Variants in NHSL1 observed in about 807,000 individuals in gnomAD.
The protein encoded by NHSL1 is NHS like 1.
In NHSL1, 48 loss-of-function variants were observed where a neutral mutation model predicts 95.0. That is an observed-to-expected ratio of 0.51 (90% CI 0.40 to 0.64). The LOEUF (loss-of-function observed/expected upper bound fraction) is 0.64. Among genes scored for constraint, NHSL1 ranks in the 30% least tolerant of loss-of-function variants. The pLI is 0.00. For synonymous variants in NHSL1, 783 were observed against 833.9 expected (o/e 0.94, Z 1.05); for missense variants, 1,971 against 2,077.7 (o/e 0.95, Z 1.00).
Position 138,429,767 on chromosome 6 carries a change from C to T in NHSL1, c.4029G>A (p.Glu1343=). ...CDFLKEDGND[E]VMTPSRPRTT... is the part of the protein sequence containing the mutation. ...TCCTGGGTCGACTGGGGGTCATTAC[C>T]TCATCATTCCCGTCTTCCTTGAGGA... is the stretch of plus-strand genomic sequence containing the variant. Residue 1343 remains glutamate (E), a synonymous_variant, in exon 7 of 8, where the codon GAG becomes GAA. Transcript: ENST00000343505. 2 of 1,551,812 alleles carry T rather than the reference C, an allele frequency of 1.3e-6. No individual in the cohort carries two copies. Among genetic ancestry groups the T allele is most frequent in the Non-Finnish European group, 1.7e-6 (2 of 1,146,996 alleles).
chr6:138,661,146 A>C (rs1378730045), intron 1 of NHSL1, among the ~76,000 whole-genome samples: 1 of 152,166 alleles, frequency 6.6e-6, no homozygotes, highest in Admixed American at 6.5e-5. Context: ...TGGTGGAAAC[A>C]CTTCAGATGT....
chr6:138,577,270 C>CGA, upstream of NHSL1, among the ~76,000 whole-genome samples: 1 of 152,224 alleles, frequency 6.6e-6, no homozygotes, highest in Admixed American at 6.5e-5. Flanking sequence ...TTGCTCTACT[C>CGA]GCCATCTGTG....
intron 1 of NHSL1, among the ~76,000 whole-genome samples, chr6:138,527,529 G>C (rs1168985196): frequency 6.6e-6 from 1 of 152,150 alleles, no homozygotes; most frequent in East Asian, 1.9e-4. Context: ...AAGATAAATG[G>C]CAAGTCAGAG....
intron 1 of NHSL1, among the ~76,000 whole-genome samples, chr6:138,525,276 A>T (rs1562348510): frequency 6.6e-6 from 1 of 152,148 alleles, no homozygotes; most frequent in Non-Finnish European, 1.5e-5. Flanking sequence ...CTATAATCCC[A>T]GCACTTTGGG....
At chr6:138,653,014 G>T (rs930201117) in intron 1 of NHSL1, among the ~76,000 whole-genome samples, 1 of 152,168 alleles carries the variant, frequency 6.6e-6, no homozygotes. Context: ...CACAGGGAGA[G>T]GCTGTTGAAA....
intron 3 of NHSL1, among the ~76,000 whole-genome samples, chr6:138,469,495 A>T (rs1467860993): frequency 3.3e-5 from 5 of 152,206 alleles, no homozygotes; most frequent in Admixed American, 2.6e-4. Flanking sequence ...AGGCCAAAGC[A>T]GGCAGACTGC....
chr6:138,676,470 T>C (rs544682779), intron 1 of NHSL1, among the ~76,000 whole-genome samples: 26 of 152,332 alleles, frequency 1.7e-4, no homozygotes, highest in African/African-American at 6.0e-4. Context: ...ATATTTATTG[T>C]TTATTATAGA....
chr6:138,431,073 T>G lies in NHSL1; in HGVS notation c.3272A>C (p.Gln1091Pro). 2.6e-6 allele frequency: 4 copies of G among 1,552,004 alleles called. No individual in the cohort carries two copies. Among genetic ancestry groups the G allele is most frequent in the Non-Finnish European group, 3.5e-6 (4 of 1,147,064 alleles). The change falls in exon 6 of 8, where the codon CAG becomes CCG. Residue 1091 changes from glutamine (Q) to proline (P), a missense_variant. Gln to Pro is a moderately conservative substitution (Grantham distance 76, BLOSUM62 -1). Around this residue, in one of 3 missense-constraint regions of NHSL1, gnomAD observed 1,602 missense variants for 1,654.5 expected, o/e 0.97. Transcript: ENST00000343505. This position sits in a 1 kb window ranked among gnomAD's most constrained non-coding sequence, Gnocchi z 4.0. ...VRKNSGAEAA[Q>P]LSERTAQEQR... ...TTCCTGAGCTGTTCGTTCAGACAAC[T>G]GTGCCGCCTCAGCGCCTGAGTTCTT... is the stretch of plus-strand genomic sequence containing the variant.
chr6:138,448,197 G>A (rs990044745), intron 3 of NHSL1, among the ~76,000 whole-genome samples: 1 of 152,112 alleles, frequency 6.6e-6, no homozygotes, highest in Non-Finnish European at 1.5e-5. Flanking sequence ...TTGTGTTGGC[G>A]AGCATTTTTT....
At chr6:138,561,144 G>A (rs1202869711) in intron 1 of NHSL1, among the ~76,000 whole-genome samples, 8 of 152,116 alleles carry the variant, frequency 5.3e-5, no homozygotes, top group African/African-American at 1.9e-4. Context: ...TTTCAATAAT[G>A]CACAAAAACT....
chr6:138,523,514 G>T (rs944420513), intron 1 of NHSL1, among the ~76,000 whole-genome samples: 12 of 151,158 alleles, frequency 7.9e-5, no homozygotes, highest in African/African-American at 2.9e-4. Context: ...TCGCTACGTT[G>T]CCCAGGCTGG....
chr6:138,566,415 C>CAATCAATCAATCAATAAAAAGT, intron 1 of NHSL1, among the ~76,000 whole-genome samples: 1 of 151,268 alleles, frequency 6.6e-6, no homozygotes, highest in East Asian at 1.9e-4. Context: ...ATCAATCAAT[C>CAATCAATCAATCAATAAAAAGT]AATCAATCAA....
At chr6:138,610,024 G>A (rs1429892454) in intron 1 of NHSL1, among the ~76,000 whole-genome samples, 1 of 152,066 alleles carries the variant, frequency 6.6e-6, no homozygotes. Flanking sequence ...AGGGTTTACA[G>A]GAAATTCTCA....
intron 1 of NHSL1, among the ~76,000 whole-genome samples, chr6:138,568,884 C>T (rs1260381115): frequency 6.6e-6 from 1 of 152,120 alleles, no homozygotes; most frequent in Non-Finnish European, 1.5e-5. Flanking sequence ...TGAAAGATAC[C>T]CATAAGGGTA....
At position 138,692,378 on chromosome 6, in the gene NHSL1, G is replaced by A. The variant is rs916647761; in HGVS notation, c.96+98C>T. 1 of 299,022 alleles carries A rather than the reference G, an allele frequency of 3.3e-6. No individual in the cohort carries two copies. 18.5% of individuals were successfully genotyped at this position (299,022 alleles called of 1,614,324 possible). ...GACCCCGACATCGCGGGGCTCCGCG[G>A]CCCCCGCGCCGACCCAGGGCCGCCA... On this transcript the variant is annotated intron_variant, in intron 1 of 3. Transcript: ENST00000491526. This position sits in a 1 kb window ranked among gnomAD's most constrained non-coding sequence, Gnocchi z 4.0.
At chr6:138,653,868 C>A (rs913639782) in intron 1 of NHSL1, among the ~76,000 whole-genome samples, 5 of 152,164 alleles carry the variant, frequency 3.3e-5, no homozygotes, top group Non-Finnish European at 5.9e-5. Flanking sequence ...TGATACGCTC[C>A]AATATTTTAT....
chr6:138,563,582 T>C (rs750373381), intron 1 of NHSL1, among the ~76,000 whole-genome samples: 10 of 152,216 alleles, frequency 6.6e-5, no homozygotes, highest in Non-Finnish European at 1.5e-4. Context: ...TAGATCGAAT[T>C]TGTAGGCTTA....
intron 5 of NHSL1, among the ~76,000 whole-genome samples, chr6:138,441,580 T>C (rs913669434): frequency 1.3e-5 from 2 of 152,252 alleles, no homozygotes; most frequent in African/African-American, 4.8e-5. Flanking sequence ...AGTGTCATTA[T>C]AGTTATAGTG....
At chr6:138,612,106 T>A (rs546463571) in intron 1 of NHSL1, among the ~76,000 whole-genome samples, 2 of 95,308 alleles carry the variant, frequency 2.1e-5, no homozygotes, top group South Asian at 3.8e-4. Context: ...CAAGACTCCA[T>A]CTCAAAAAAA....
Sources: allele counts gnomAD v4.1 joint callset (sites outside exome capture counted in the v4.1 genomes callset), GRCh38; gene constraint gnomAD v4.1.1; regional missense constraint gnomAD v4.1.1; non-coding constraint Gnocchi (gnomAD v3.1); transcripts MANE v1.5; gene names NCBI Gene and HGNC (gene_info 2026-07-23, HGNC 2026-07-21).